The following VPS13B variants were observed in gnomAD, a reference collection of about 807,000 sequenced individuals.
VPS13B encodes vacuolar protein sorting 13 homolog B, also known as intermembrane lipid transfer protein VPS13B.
Under a neutral mutation model 426.4 loss-of-function variants are expected in VPS13B, and 285 were observed. The observed-to-expected ratio is 0.67, with a 90% CI of 0.61 to 0.74. The LOEUF (loss-of-function observed/expected upper bound fraction) is 0.74. Among genes scored for constraint, VPS13B ranks in the 30% least tolerant of loss-of-function variants. The pLI is 0.00. For synonymous variants in VPS13B, 1,676 were observed against 1,676.4 expected, an observed-to-expected ratio of 1.00 and a Z score of 0.01; for missense variants, 4,537 against 4,782.6, an observed-to-expected ratio of 0.95 and a Z score of 1.51.
chr8:99,457,558 A>AT (rs1422289951), intron 23 of VPS13B, among the ~76,000 whole-genome samples: 1 of 150,274 alleles, frequency 6.7e-6, no homozygotes, highest in Non-Finnish European at 1.5e-5. Context: ...AATTTCGTTG[A>AT]TTTTTTTCTA....
chr8:99,140,983 G>A (rs1272610373), intron 12 of VPS13B, among the ~76,000 whole-genome samples: 1 of 152,034 alleles, frequency 6.6e-6, no homozygotes, highest in Non-Finnish European at 1.5e-5. Context: ...TTCTGTTTAA[G>A]GGGGTTATTA....
chr8:99,492,590 C>T (rs1210669616), intron 25 of VPS13B, among the ~76,000 whole-genome samples: 1 of 152,224 alleles, frequency 6.6e-6, no homozygotes, highest in Non-Finnish European at 1.5e-5. Context: ...ACCCCTCTCC[C>T]CGCCAGGCTC....
chr8:99,683,754 C>T (rs539025436), intron 35 of VPS13B, among the ~76,000 whole-genome samples: 4 of 152,182 alleles, frequency 2.6e-5, no homozygotes, highest in South Asian at 2.1e-4. Flanking sequence ...GGAGCTTTTC[C>T]GTAGATTCTT....
At chr8:99,295,873 A>T (rs148661095) in intron 19 of VPS13B, among the ~76,000 whole-genome samples, 232 of 152,188 alleles carry the variant, frequency 1.5e-3, no homozygotes, top group African/African-American at 4.7e-3. Context: ...CAAAGAATAA[A>T]TTTAAAAAAA....
intron 17 of VPS13B, among the ~76,000 whole-genome samples, chr8:99,258,829 T>C (rs1013940532): frequency 6.6e-6 from 1 of 152,064 alleles, no homozygotes; most frequent in Non-Finnish European, 1.5e-5. Flanking sequence ...CTGACTTTTT[T>C]CAGGTGAAGA....
At chr8:99,705,970 T>C (rs1027568284) in intron 36 of VPS13B, among the ~76,000 whole-genome samples, 1 of 152,080 alleles carries the variant, frequency 6.6e-6, no homozygotes, top group African/African-American at 2.4e-5. Context: ...CAGCCTTTCG[T>C]AGAGGGAGAT....
rs757726642 is a variant in VPS13B at position 99,861,818 on chromosome 8, G to A, written c.11087G>A (p.Arg3696Gln). The stretch of plus-strand genomic sequence containing the variant: ...ACCAACCTCGCCACAAGCCTGGCCC[G>A]GAACATGGACCGGCTCTCACTGGAT... The part of the protein sequence containing the change: ...SITNLATSLA[R>Q]NMDRLSLDEE... The change falls in exon 58 of 62, where the codon CGG (arginine) becomes CAG (glutamine). Residue 3696 changes from arginine to glutamine, a missense_variant. Arg to Gln is a conservative substitution (Grantham distance 43, BLOSUM62 1). This residue lies in a region of VPS13B where 4,311 missense variants were observed against 4,474.3 expected (regional missense o/e 0.96). Transcript: ENST00000357162. 4.4e-5 allele frequency: 70 copies of A among 1,598,576 alleles called. No homozygotes were observed. Among genetic ancestry groups the A allele is most frequent in the African/African-American group, 6.7e-5 (5 of 74,756 alleles).
Position 99,071,427 on chromosome 8 carries a change from G to A in VPS13B, c.292-24885G>A, listed in dbSNP as rs528165077. ...GGATTACCAGGCAGAGAATACCCTG[G>A]ATTACTGAGCTCCATGCTGAACTGC... On this transcript the variant is annotated intron_variant, in intron 3 of 61. Coordinates refer to ENST00000357162, the MANE Select transcript of VPS13B (RefSeq NM_152564.5). 2.5e-3 allele frequency among the ~76,000 whole-genome samples: 387 copies of A among 152,254 alleles called. 3 individuals are homozygous for A. Among genetic ancestry groups the A allele is most frequent in the African/African-American group, 9.0e-3 (375 of 41,554 alleles).
At chr8:99,625,565 A>G (rs1828575267) in intron 33 of VPS13B, among the ~76,000 whole-genome samples, 1 of 152,022 alleles carries the variant, frequency 6.6e-6, no homozygotes, top group African/African-American at 2.4e-5. Context: ...TAATAATAAT[A>G]AACAATAGAC....
Position 99,059,116 on chromosome 8 carries a change from G to T in VPS13B, c.291+20550G>T, listed in dbSNP as rs146260700. Among the ~76,000 whole-genome samples the T allele has an allele frequency of 4.8e-3, 728 of 152,244 alleles. 3 individuals carry two copies. The highest frequency in any genetic ancestry group is 0.016 in the African/African-American group (673 of 41,556). ...TATGGATATAGTAGTTAGTGATACA[G>T]ACAAAAACTTTCTCTTCTTTTGGAG... On this transcript the variant is annotated intron_variant, in intron 3 of 61. Coordinates refer to ENST00000357162, the MANE Select transcript of VPS13B (RefSeq NM_152564.5).
At chr8:99,807,541 G>A (rs1410866035) in intron 43 of VPS13B, among the ~76,000 whole-genome samples, 2 of 151,830 alleles carry the variant, frequency 1.3e-5, no homozygotes, top group Admixed American at 6.6e-5. Context: ...AAAACTGAAA[G>A]GGTTCCCAAC....
At position 99,391,711 on chromosome 8, in the gene VPS13B, G is replaced by T. The variant is rs878881078; in HGVS notation, c.3082+7G>T. On this transcript the variant is annotated splice_region_variant and intron_variant, in intron 21 of 61. Transcript: ENST00000357162. Reference sequence around the variant, plus strand: ...AAAACAAAAACGGTAACAGGTATGTGTCAAGTACTGTAAAGGGACTATGAT... The same window carrying T: ...AAAACAAAAACGGTAACAGGTATGTTTCAAGTACTGTAAAGGGACTATGAT... 1.9e-6 allele frequency: 3 copies of T among 1,613,774 alleles called. No individual in the cohort carries two copies. The South Asian group carries it at 3.3e-5, about 18-fold the overall frequency.
intron 39 of VPS13B, among the ~76,000 whole-genome samples, chr8:99,742,660 G>T (rs1169450265): frequency 2.0e-5 from 3 of 152,122 alleles, no homozygotes; most frequent in Non-Finnish European, 4.4e-5. Context: ...GGGATGCAAG[G>T]CTGGTTCAAC....
In VPS13B at chr8:99,459,016, T is replaced by A. The variant is rs201664583; in HGVS notation, c.3446-8398T>A. ...GCCCATGCCCATGTCCTGAATGGTA[T>A]TGCCTAGGTTTTCTTCTAGGGTTTT... On this transcript the variant is annotated intron_variant, in intron 23 of 61. Coordinates refer to ENST00000357162, the MANE Select transcript of VPS13B (RefSeq NM_152564.5). Among the ~76,000 whole-genome samples, 47 of 152,318 alleles carry A rather than the reference T, an allele frequency of 3.1e-4. No homozygotes were observed. The East Asian group carries it at 5.8e-3, about 19-fold the overall frequency.
chr8:99,740,807 AG>A (rs1233933425), intron 39 of VPS13B, among the ~76,000 whole-genome samples: 1 of 152,228 alleles, frequency 6.6e-6, no homozygotes, highest in Non-Finnish European at 1.5e-5. Flanking sequence ...CTGCCCTAAA[AG>A]AGCTCCTGAA....
chr8:99,565,600 C>G (rs1437187439), intron 31 of VPS13B, among the ~76,000 whole-genome samples: 2 of 151,994 alleles, frequency 1.3e-5, no homozygotes, highest in Non-Finnish European at 2.9e-5. Flanking sequence ...CCTTAGATCT[C>G]TTTTATTTTT....
chr8:99,687,650 T>C (rs1435000414), intron 35 of VPS13B, among the ~76,000 whole-genome samples: 4 of 151,684 alleles, frequency 2.6e-5, no homozygotes, highest in Non-Finnish European at 5.9e-5. Context: ...ATCACTACTC[T>C]CTCCCGCCCA....
At chr8:99,029,628 C>A (rs1421027861) in intron 2 of VPS13B, among the ~76,000 whole-genome samples, 1 of 152,044 alleles carries the variant, frequency 6.6e-6, no homozygotes, top group Non-Finnish European at 1.5e-5. Flanking sequence ...AAACGAAAAC[C>A]AGTCAGGTGT....
chr8:99,315,216 A>G (rs1391863012), intron 19 of VPS13B, among the ~76,000 whole-genome samples: 1 of 152,104 alleles, frequency 6.6e-6, no homozygotes, highest in African/African-American at 2.4e-5. Context: ...TATTTCATTA[A>G]ATAGCTTTAT....
Sources: allele counts gnomAD v4.1 joint callset (sites outside exome capture counted in the v4.1 genomes callset), GRCh38; gene constraint gnomAD v4.1.1; regional missense constraint gnomAD v4.1.1; transcripts MANE v1.5; gene names NCBI Gene and HGNC (gene_info 2026-07-23, HGNC 2026-07-21).